Variants in L3MBTL4 observed in about 807,000 individuals in gnomAD.
L3MBTL4 encodes the protein L3MBTL histone methyl-lysine binding protein 4.
In L3MBTL4, 70 loss-of-function variants were observed where a neutral mutation model predicts 84.5. The observed-to-expected ratio is 0.83, with a 90% CI of 0.68 to 1.01. The LOEUF (loss-of-function observed/expected upper bound fraction) is 1.01, where lower values mean the gene tolerates loss of function less well. Among genes scored for constraint, L3MBTL4 ranks in the 50% least tolerant of loss-of-function variants. The pLI is 0.00. For synonymous variants in L3MBTL4, 274 were observed against 259.8 expected, an observed-to-expected ratio of 1.05 and a Z score of -0.52; for missense variants, 715 against 754.8, an observed-to-expected ratio of 0.95 and a Z score of 0.62.
chr18:5,975,969 A>G (rs2052907523), intron 16 of L3MBTL4, among the ~76,000 whole-genome samples: 1 of 152,220 alleles, frequency 6.6e-6, no homozygotes, highest in African/African-American at 2.4e-5. Context: ...CCTCATCACA[A>G]GCAGTCTCTT....
At chr18:6,174,212 A>G (rs2145237755) in intron 12 of L3MBTL4, among the ~76,000 whole-genome samples, 1 of 152,226 alleles carries the variant, frequency 6.6e-6, no homozygotes, top group South Asian at 2.1e-4. Flanking sequence ...AAAGTTTATT[A>G]AACATGTAAA....
chr18:6,072,959 G>C (rs2057737767), intron 16 of L3MBTL4, among the ~76,000 whole-genome samples: 1 of 112,334 alleles, frequency 8.9e-6, no homozygotes, highest in Non-Finnish European at 1.8e-5. Flanking sequence ...AAATATCTAA[G>C]TAATAATTTA....
intron 13 of L3MBTL4, among the ~76,000 whole-genome samples, chr18:6,147,864 T>C (rs2042721567): frequency 6.6e-6 from 1 of 152,234 alleles, no homozygotes; most frequent in African/African-American, 2.4e-5. Context: ...AATATTTTCT[T>C]AACAAAATAT....
chr18:6,071,402 A>T, intron 16 of L3MBTL4, among the ~76,000 whole-genome samples: 1 of 151,698 alleles, frequency 6.6e-6, no homozygotes, highest in African/African-American at 2.4e-5. Flanking sequence ...AAAAAAAAAA[A>T]AAAAAAGATA....
chr18:6,036,278 C>G (rs77525517), intron 16 of L3MBTL4, among the ~76,000 whole-genome samples: 7,006 of 152,202 alleles, frequency 0.046, 232 homozygotes, highest in Admixed American at 0.074. Context: ...ACCCCTTTCT[C>G]TCTTTCATCC....
intron 13 of L3MBTL4, among the ~76,000 whole-genome samples, chr18:6,158,231 A>G (rs1317127205): frequency 6.6e-6 from 1 of 152,226 alleles, no homozygotes; most frequent in Non-Finnish European, 1.5e-5. Flanking sequence ...ACTAATGACA[A>G]CTGAGATGAT....
chr18:6,162,221 C>T (rs2043376942), intron 13 of L3MBTL4, among the ~76,000 whole-genome samples: 1 of 151,948 alleles, frequency 6.6e-6, no homozygotes, highest in African/African-American at 2.4e-5. Context: ...AAATAACATT[C>T]AAGTCAGATT....
At chr18:6,179,380 C>T (rs1188274814) in intron 12 of L3MBTL4, among the ~76,000 whole-genome samples, 1 of 152,268 alleles carries the variant, frequency 6.6e-6, no homozygotes, top group African/African-American at 2.4e-5. Context: ...GAGAGGAGAA[C>T]TGGGTTTTAA....
At chr18:6,066,552 A>G (rs2057404354) in intron 16 of L3MBTL4, among the ~76,000 whole-genome samples, 1 of 152,050 alleles carries the variant, frequency 6.6e-6, no homozygotes, top group Admixed American at 6.6e-5. Flanking sequence ...GGTGCATATA[A>G]ATTTAGGATT....
intron 12 of L3MBTL4, among the ~76,000 whole-genome samples, chr18:6,205,914 C>A (rs1228162307): frequency 1.3e-5 from 2 of 152,166 alleles, no homozygotes; most frequent in Non-Finnish European, 2.9e-5. Context: ...CACTTCTGTT[C>A]AGGAAAATGG....
intron 10 of L3MBTL4, among the ~76,000 whole-genome samples, chr18:6,222,128 T>C (rs1415259353): frequency 6.6e-6 from 1 of 152,224 alleles, no homozygotes; most frequent in Non-Finnish European, 1.5e-5. Flanking sequence ...GCCTTAGATA[T>C]TAGAAGTCTT....
chr18:6,082,750 G>A (rs1463440366), intron 15 of L3MBTL4, among the ~76,000 whole-genome samples: 1 of 152,142 alleles, frequency 6.6e-6, no homozygotes, highest in Non-Finnish European at 1.5e-5. Context: ...TAAATTTGTT[G>A]GGTGCTTTTT....
At chr18:6,396,515 G>A (rs1250634867) in intron 1 of L3MBTL4, 1 of 152,270 alleles carries the variant, frequency 6.6e-6, no homozygotes, top group African/African-American at 2.4e-5. Flanking sequence ...TAAGGTTCAA[G>A]AGGGTATGGA....
chr18:6,338,519 A>C (rs1317944146), intron 1 of L3MBTL4, among the ~76,000 whole-genome samples: 4 of 152,062 alleles, frequency 2.6e-5, no homozygotes. Flanking sequence ...TATAATTATA[A>C]AGAAAGGATA....
At chr18:5,994,933 G>A (rs770652299) in intron 16 of L3MBTL4, among the ~76,000 whole-genome samples, 2 of 152,180 alleles carry the variant, frequency 1.3e-5, no homozygotes, top group African/African-American at 2.4e-5. Flanking sequence ...ATTATTCAGG[G>A]TGTTTTATCC....
chr18:6,014,400 T>C (rs1299001060), intron 16 of L3MBTL4, among the ~76,000 whole-genome samples: 2 of 152,140 alleles, frequency 1.3e-5, no homozygotes, highest in East Asian at 1.9e-4. Flanking sequence ...CACACAATTA[T>C]GCAAGCAACT....
chr18:6,302,187 G>A (rs1236869912), intron 3 of L3MBTL4, among the ~76,000 whole-genome samples: 2 of 152,152 alleles, frequency 1.3e-5, no homozygotes, highest in Admixed American at 1.3e-4. Context: ...AAATAAAAGA[G>A]ACAGGAAGCT....
intron 1 of L3MBTL4, among the ~76,000 whole-genome samples, chr18:6,376,285 C>T (rs898842647): frequency 2.7e-4 from 41 of 152,238 alleles, no homozygotes; most frequent in Admixed American, 1.2e-3. Context: ...CAAACATCAC[C>T]TCCTCCTGTC....
At chr18:6,057,459 A>C (rs2057064504) in intron 16 of L3MBTL4, among the ~76,000 whole-genome samples, 2 of 152,228 alleles carry the variant, frequency 1.3e-5, no homozygotes, top group South Asian at 4.1e-4. Context: ...AAAAGAGAAA[A>C]ATGTCATCAA....
Sources: allele counts gnomAD v4.1 joint callset (sites outside exome capture counted in the v4.1 genomes callset), GRCh38; gene constraint gnomAD v4.1.1; transcripts MANE v1.5; gene names NCBI Gene and HGNC (gene_info 2026-07-23, HGNC 2026-07-21).